Variants in TM2D3 observed in about 807,000 individuals in gnomAD.
The protein encoded by TM2D3 is TM2 domain containing 3.
A neutral mutation model predicts 27.3 loss-of-function variants in TM2D3; 33 were observed. The ratio of observed to expected loss-of-function variants is 1.21; its 90% CI spans 0.92 to 1.61. TM2D3 has a LOEUF of 1.61. Among genes scored for constraint, TM2D3 ranks in the 40% most tolerant of loss-of-function variants. The probability of loss-of-function intolerance (pLI) is 0.00; values close to 1 mark genes in which losing one functional copy is unlikely to be tolerated. For synonymous variants in TM2D3, 138 were observed against 122.2 expected (o/e 1.13, Z -0.85); for missense variants, 364 against 320.8 (o/e 1.13, Z -1.03).
downstream of TM2D3, among the ~76,000 whole-genome samples, chr15:101,639,873 C>T (rs145717217): frequency 5.5e-4 from 83 of 152,272 alleles, 1 homozygote; most frequent in African/African-American, 1.8e-3. Context: ...TAAATGAGAG[C>T]CTCTGTGTGC....
intron 4 of TM2D3, chr15:101,646,471 C>A: frequency 6.5e-6 from 2 of 307,522 alleles, no homozygotes; most frequent in Non-Finnish European, 1.3e-5. Context: ...GGGTAAAGGT[C>A]AATTACTGTG....
chr15:101,649,642 C>A (rs2141368990), intron 3 of TM2D3, among the ~76,000 whole-genome samples: 2 of 152,304 alleles, frequency 1.3e-5, no homozygotes, highest in South Asian at 4.1e-4. Context: ...ACACTGCCAC[C>A]CCCTCTGTAC....
downstream of TM2D3, among the ~76,000 whole-genome samples, chr15:101,640,581 G>C (rs1193375664): frequency 6.6e-6 from 1 of 152,196 alleles, no homozygotes; most frequent in East Asian, 1.9e-4. Context: ...TTTGCTACAA[G>C]AGATTGCACC....
rs147364458 is a variant in TM2D3 at position 101,647,127 on chromosome 15, A to G, written c.328-228T>C. Among the ~76,000 whole-genome samples the G allele has an allele frequency of 6.7e-3, 1,018 of 152,350 alleles. 13 individuals carry two copies. The highest frequency in any genetic ancestry group is 0.023 in the African/African-American group (944 of 41,582). The stretch of plus-strand genomic sequence containing the variant: ...CACCCAAACATATGTACTTAAGGGA[A>G]AAAACTAGATAAATTCACATCAAAA... On this transcript the variant is annotated intron_variant, in intron 3 of 5. Transcript: ENST00000333202.
At chr15:101,633,478 G>C (rs117342284) in exon 5 of TM2D3, 7,166 of 473,772 alleles carry the variant, frequency 0.015, 99 homozygotes, top group Non-Finnish European at 0.021. Flanking sequence ...TGCAGTTGTA[G>C]GAGTGAGGCC....
At chr15:101,639,327 G>T (rs767106122), downstream of TM2D3, among the ~76,000 whole-genome samples, 1 of 151,644 alleles carries the variant, frequency 6.6e-6, no homozygotes, top group African/African-American at 2.4e-5. Flanking sequence ...GGGCAGAACA[G>T]AGGGGAAGCT....
In TM2D3 at chr15:101,646,816, C is replaced by T. The variant is rs965955938; in HGVS notation, c.411G>A (p.Glu137=). The change falls in exon 4 of 6, where the codon GAG becomes GAA. Residue 137 remains glutamate (E), a synonymous_variant. Coordinates refer to ENST00000333202, the MANE Select transcript of TM2D3 (RefSeq NM_078474.3). ...TCATGCAGCTGGTGGAGTTGGTACA[C>T]TCGTAATCTGTTTCAGGAAGCTGCC... ...FCWQLPETDY[E]CTNSTSCMTV... 3 of 1,614,210 alleles carry T rather than the reference C, an allele frequency of 1.9e-6. No homozygotes were observed. The highest frequency in any genetic ancestry group is 2.5e-6 in the Non-Finnish European group (3 of 1,180,026).
rs966858726 is a variant in TM2D3, at chr15:101,652,282, A to G, written c.80T>C (p.Leu27Pro). 1 of 1,605,202 alleles carries G rather than the reference A, an allele frequency of 6.2e-7. No homozygotes were observed. The highest frequency in any genetic ancestry group is 8.5e-7 in the Non-Finnish European group (1 of 1,176,268). ...VLLFLSQFCI[L>P]SGGEQSQALA... is the part of the protein sequence containing the mutation. ...AGCCTTTGACTCACCACCGCCCGAC[A>G]GAATGCAGAACTGCGAGAGGAAGAG... is the stretch of plus-strand genomic sequence containing the variant. Residue 27 changes from leucine (L) to proline (P), a missense_variant, in exon 1 of 6, where the codon CTG becomes CCG. By Grantham distance (98) the Leu-to-Pro change is moderately conservative. Coordinates refer to ENST00000333202, the MANE Select transcript of TM2D3 (RefSeq NM_078474.3).
chr15:101,638,644 G>A (rs1345780801), downstream of TM2D3, among the ~76,000 whole-genome samples: 1 of 152,078 alleles, frequency 6.6e-6, no homozygotes, highest in Non-Finnish European at 1.5e-5. Context: ...GGCCATTTGC[G>A]GGAGTAATCT....
intron 4 of TM2D3, 149 bp from the exon 5 acceptor site, chr15:101,645,311 C>T: frequency 1.6e-6 from 1 of 641,236 alleles, no homozygotes; most frequent in Non-Finnish European, 2.7e-6. Flanking sequence ...AAAGCGCTTA[C>T]CATCTATCTA....
At chr15:101,644,886 G>A (rs899186088) in intron 5 of TM2D3, among the ~76,000 whole-genome samples, 1 of 152,140 alleles carries the variant, frequency 6.6e-6, no homozygotes, top group Non-Finnish European at 1.5e-5. Flanking sequence ...GGCATCTTGG[G>A]AGAAAAGCTA....
In TM2D3 at chr15:101,642,047, CAG is replaced by C; in HGVS notation, c.*430_*431del. On this transcript the variant is annotated 3_prime_UTR_variant, in exon 6 of 6. Coordinates refer to ENST00000333202, the MANE Select transcript of TM2D3 (RefSeq NM_078474.3). ...CCTAATAACTTCAATTAGCCAACAA[CAG>C]AAACACTCCCACTTCCTGCAGTCAC... The C allele has an allele frequency of 1.0e-6, 1 of 986,738 alleles. No individual in the cohort carries two copies. Among genetic ancestry groups the C allele is most frequent in the Non-Finnish European group, 1.2e-6 (1 of 830,640 alleles). The allele number at this position is 986,738 out of a possible 1,614,324, so 61.1% of individuals were successfully genotyped here.
chr15:101,646,246 C>T (rs1256809471), intron 4 of TM2D3: 1 of 156,878 alleles, frequency 6.4e-6, no homozygotes, highest in Admixed American at 6.3e-5. Context: ...AGCACACAGC[C>T]TGAAATCATT....
At chr15:101,638,697 T>G (rs1276056527), downstream of TM2D3, among the ~76,000 whole-genome samples, 2 of 152,194 alleles carry the variant, frequency 1.3e-5, no homozygotes, top group African/African-American at 4.8e-5. Flanking sequence ...ATTCACAATT[T>G]TTTGACGTTT....
At chr15:101,637,731 C>T (rs1422943266), downstream of TM2D3, among the ~76,000 whole-genome samples, 2 of 152,120 alleles carry the variant, frequency 1.3e-5, no homozygotes, top group Non-Finnish European at 1.5e-5. Context: ...AGGCGCACAC[C>T]TGCTTATTTT....
At chr15:101,644,952 A>G (rs770793977) in intron 5 of TM2D3, 135 bp downstream of exon 5, 1 of 776,500 alleles carries the variant, frequency 1.3e-6, no homozygotes. Flanking sequence ...AAACTCTTCC[A>G]GCTGTTTGCT....
rs769491294 is a variant in TM2D3, at chr15:101,649,977, T to C, written c.327+27A>G. 3.8e-6 allele frequency: 6 copies of C among 1,597,556 alleles called. No individual in the cohort carries two copies. The African/African-American group carries it at 8.1e-5, about 22-fold the overall frequency. On this transcript the variant is annotated intron_variant, in intron 3 of 5. Transcript: ENST00000333202. ...AACTTAAAGTTTACAATGAATTTAT[T>C]TAGAATAAGTAAGCTGCAGTACTTA...
intron 5 of TM2D3, among the ~76,000 whole-genome samples, chr15:101,644,459 T>C (rs1896752594): frequency 6.6e-6 from 1 of 152,230 alleles, no homozygotes; most frequent in Admixed American, 6.5e-5. Flanking sequence ...GTGATGAGGC[T>C]GAGAAATCCT....
In TM2D3 at chr15:101,636,688, GA is replaced by G; in HGVS notation, c.501-2961del. On this transcript the variant is annotated intron_variant, in intron 4 of 4. Coordinates refer to the TM2D3 transcript ENST00000428002. ...TCCACTTCTCTTGGGTGTATACCTA[GA>G]AGATTCCCCAAGTCACATGGTAACT... is the stretch of plus-strand genomic sequence containing the variant. 6 of 218,100 alleles carry G rather than the reference GA, an allele frequency of 2.8e-5. No individual in the cohort carries two copies. In the South Asian group the frequency reaches 2.9e-4, roughly 11 times the overall value. 13.5% of individuals were successfully genotyped at this position (218,100 alleles called of 1,614,324 possible).
Sources: allele counts gnomAD v4.1 joint callset (sites outside exome capture counted in the v4.1 genomes callset), GRCh38; gene constraint gnomAD v4.1.1; transcripts MANE v1.5; gene names NCBI Gene and HGNC (gene_info 2026-07-23, HGNC 2026-07-21).